The following SH2D7 variants were observed in gnomAD, a reference collection of about 807,000 sequenced individuals.
SH2D7 encodes the protein SH2 domain containing 7.
In SH2D7, 32 loss-of-function variants were observed where a neutral mutation model predicts 40.8. That is an observed-to-expected ratio of 0.78 (90% CI 0.59 to 1.05). The LOEUF is 1.05. Ranked by LOEUF, SH2D7 falls within the 50% of genes least tolerant of loss-of-function variation. The pLI is 0.00. For missense variants in SH2D7, 559 were observed against 566.6 expected (o/e 0.99, Z 0.14); for synonymous variants, 195 against 221.5 (o/e 0.88, Z 1.06).
chr15:78,095,611 C>A (rs1956832187), intron 2 of SH2D7, among the ~76,000 whole-genome samples: 1 of 152,124 alleles, frequency 6.6e-6, no homozygotes, highest in South Asian at 2.1e-4. Context: ...ATTACTGCTA[C>A]CTCATACCAT....
chr15:78,103,766 G>A lies in SH2D7; in HGVS notation c.*251G>A. ...CTCCCATCCATGCACAGGAGGGACT[G>A]GAGAGGAATGAGATTGGCCAAAGGC... On this transcript the variant is annotated 3_prime_UTR_variant, in exon 6 of 6. Transcript: ENST00000328828. The A allele has an allele frequency of 2.0e-6, 1 of 509,158 alleles. No individual in the cohort carries two copies. The highest frequency in any genetic ancestry group is 3.4e-5 in the Admixed American group (1 of 29,714). The allele number at this position is 509,158 out of a possible 1,614,324, so 31.5% of individuals were successfully genotyped here.
Position 78,097,969 on chromosome 15 carries a change from C to T in SH2D7, c.307C>T (p.Arg103Ter), listed in dbSNP as rs373439902. The change falls in exon 3 of 6, where the codon CGA becomes TGA. Residue 103 changes from arginine (R) to a stop codon, truncating the protein, a stop_gained. Coordinates refer to ENST00000328828, the MANE Select transcript of SH2D7 (RefSeq NM_001101404.2). LOFTEE classifies it high-confidence loss of function. ...RCRHFVINQL[R>*]NRRYIISGDT... The stretch of plus-strand genomic sequence containing the variant: ...CCGACATTTTGTCATCAACCAGCTT[C>T]GAAACCGGCGTTACATCATCTCAGG... 242 of 1,613,696 alleles carry T rather than the reference C, an allele frequency of 1.5e-4. 1 individual carries two copies. The East Asian group carries it at 1.8e-3, about 12-fold the overall frequency.
chr15:78,101,907 G>A (rs916844199), intron 5 of SH2D7, among the ~76,000 whole-genome samples: 1 of 152,136 alleles, frequency 6.6e-6, no homozygotes, highest in Non-Finnish European at 1.5e-5. Context: ...GTAGCTTTGG[G>A]CAAGACAAAT....
intron 2 of SH2D7, among the ~76,000 whole-genome samples, chr15:78,096,475 T>C (rs1385692109): frequency 6.6e-6 from 1 of 152,154 alleles, no homozygotes; most frequent in African/African-American, 2.4e-5. Flanking sequence ...GTGGAACAAC[T>C]GGAGCTCTCA....
Position 78,103,661 on chromosome 15 carries a change from C to A in SH2D7, c.*146C>A. Reference sequence around the variant, plus strand: ...CTACAGAACTAGGCTCCGAGACAGCCGAGGTGCCTGCCTGAGAGCAGGTGG... The same window carrying A: ...CTACAGAACTAGGCTCCGAGACAGCAGAGGTGCCTGCCTGAGAGCAGGTGG... On this transcript the variant is annotated 3_prime_UTR_variant, in exon 6 of 6. Transcript: ENST00000328828. The A allele has an allele frequency of 1.0e-6, 1 of 993,274 alleles. No homozygotes were observed. Among genetic ancestry groups the A allele is most frequent in the African/African-American group, 1.6e-5 (1 of 61,682 alleles). 61.5% of individuals were successfully genotyped at this position (993,274 alleles called of 1,614,324 possible).
In SH2D7 at chr15:78,103,780, T is replaced by C. The variant is rs114854412; in HGVS notation, c.*265T>C. The C allele has an allele frequency of 6.8e-4, 325 of 480,284 alleles. 1 individual carries two copies. Among genetic ancestry groups the C allele is most frequent in the African/African-American group, 5.7e-3 (289 of 51,142 alleles). The allele number at this position is 480,284 out of a possible 1,614,324, so 29.8% of individuals were successfully genotyped here. On this transcript the variant is annotated 3_prime_UTR_variant, in exon 6 of 6. Transcript: ENST00000328828. Reference sequence around the variant, plus strand: ...CAGGAGGGACTGGAGAGGAATGAGATTGGCCAAAGGCAGGGGTCACCACCC... The same window carrying C: ...CAGGAGGGACTGGAGAGGAATGAGACTGGCCAAAGGCAGGGGTCACCACCC...
rs772178197 is a variant in SH2D7 at position 78,098,401 on chromosome 15, G to A, written c.450G>A (p.Leu150=). 3 of 1,613,568 alleles carry A rather than the reference G, an allele frequency of 1.9e-6. No individual in the cohort carries two copies. The highest frequency in any genetic ancestry group is 2.5e-6 in the Non-Finnish European group (3 of 1,179,878). The part of the protein sequence containing the change: ...AACPRPEDND[L]YDAITRGLHQ... The stretch of plus-strand genomic sequence containing the variant: ...GCTCCCAGCCAGAGGACAATGATCT[G>A]TATGATGCCATCACCCGGGGCCTCC... Residue 150 remains leucine (L), a synonymous_variant, in exon 4 of 6, where the codon CTG becomes CTA. Coordinates refer to ENST00000328828, the MANE Select transcript of SH2D7 (RefSeq NM_001101404.2).
upstream of SH2D7, chr15:78,092,475 G>T: frequency 3.2e-6 from 4 of 1,242,628 alleles, no homozygotes; most frequent in Non-Finnish European, 4.4e-6. Flanking sequence ...GCTGCTGTGT[G>T]CTATGGGCCC....
chr15:78,098,380 C>A lies in SH2D7; in HGVS notation c.433-4C>A. 1 of 1,613,086 alleles carries A rather than the reference C, an allele frequency of 6.2e-7. No individual in the cohort carries two copies. The highest frequency in any genetic ancestry group is 8.5e-7 in the Non-Finnish European group (1 of 1,179,870). On this transcript the variant is annotated splice_region_variant and splice_polypyrimidine_tract_variant and intron_variant, in intron 3 of 5. Coordinates refer to ENST00000328828, the MANE Select transcript of SH2D7 (RefSeq NM_001101404.2). Reference sequence around the variant, plus strand: ...ACATACCTGCCGTATCCGCATGCTCCCAGCCAGAGGACAATGATCTGTATG... The same window carrying A: ...ACATACCTGCCGTATCCGCATGCTCACAGCCAGAGGACAATGATCTGTATG...
At chr15:78,101,862 G>A (rs1356415220) in intron 5 of SH2D7, among the ~76,000 whole-genome samples, 1 of 152,218 alleles carries the variant, frequency 6.6e-6, no homozygotes, top group Non-Finnish European at 1.5e-5. Context: ...TCTGGGAGCA[G>A]GAGAATGGCC....
intron 5 of SH2D7, among the ~76,000 whole-genome samples, chr15:78,101,961 T>G (rs999620846): frequency 6.6e-6 from 1 of 152,098 alleles, no homozygotes; most frequent in Non-Finnish European, 1.5e-5. Flanking sequence ...AAACAACAAA[T>G]ATTTTTGAGG....
chr15:78,098,241 A>G (rs1027672760), intron 3 of SH2D7, 143 bp from the exon 4 acceptor site: 2 of 1,397,016 alleles, frequency 1.4e-6, no homozygotes, highest in Admixed American at 4.6e-5. Flanking sequence ...CCCTATTGGA[A>G]AAAGGGAGAC....
intron 5 of SH2D7, among the ~76,000 whole-genome samples, chr15:78,101,761 T>A (rs1185608780): frequency 1.3e-5 from 2 of 152,088 alleles, no homozygotes; most frequent in African/African-American, 4.8e-5. Flanking sequence ...GGATGTAAGA[T>A]GGGGGCTTCC....
upstream of SH2D7, among the ~76,000 whole-genome samples, chr15:78,091,996 C>G (rs926763072): frequency 2.0e-5 from 3 of 152,242 alleles, no homozygotes; most frequent in Non-Finnish European, 4.4e-5. Context: ...CTATATTCTA[C>G]ACATATATTT....
In SH2D7 at chr15:78,101,575, G is replaced by T; in HGVS notation, c.1305+17G>T. On this transcript the variant is annotated intron_variant, in intron 5 of 5. Transcript: ENST00000328828. ...ACACACAAGGTGAGCTCCATGATGGGGTGGGGCGGCTCCCAGCCCTTAGAG... is the reference window on the plus strand; with the variant it reads ...ACACACAAGGTGAGCTCCATGATGGTGTGGGGCGGCTCCCAGCCCTTAGAG... 2 of 1,550,958 alleles carry T rather than the reference G, an allele frequency of 1.3e-6. No individual in the cohort carries two copies. Among genetic ancestry groups the T allele is most frequent in the Non-Finnish European group, 1.7e-6 (2 of 1,151,850 alleles).
At chr15:78,093,492 G>A (rs754040879) in intron 1 of SH2D7, among the ~76,000 whole-genome samples, 1 of 152,238 alleles carries the variant, frequency 6.6e-6, no homozygotes, top group Admixed American at 6.5e-5. Context: ...AAGTGAGTGA[G>A]GGAATACATA....
At position 78,104,160 on chromosome 15, in the gene SH2D7, C is replaced by G. The variant is rs1233177062; in HGVS notation, c.*645C>G. On this transcript the variant is annotated 3_prime_UTR_variant, in exon 6 of 6. Coordinates refer to ENST00000328828, the MANE Select transcript of SH2D7 (RefSeq NM_001101404.2). This position sits in a 1 kb window ranked among gnomAD's most constrained non-coding sequence, Gnocchi z 4.4. ...TCCCCTTCTCTATAAGGGTGGACAG[C>G]TGGCTTGCTACCCCACTCCCAACAA... The G allele has an allele frequency of 6.6e-6, 1 of 152,362 alleles. No homozygotes were observed. Among genetic ancestry groups the G allele is most frequent in the African/African-American group, 2.4e-5 (1 of 41,454 alleles). The allele number at this position is 152,362 out of a possible 1,614,324, so 9.4% of individuals were successfully genotyped here. A position where few individuals can be genotyped will look rare whatever the true frequency, so the allele number is the denominator to read the frequency against.
intron 4 of SH2D7, 81 bp from the exon 5 acceptor site, chr15:78,100,818 G>A: frequency 3.3e-6 from 5 of 1,513,932 alleles, no homozygotes; most frequent in Non-Finnish European, 3.6e-6. Flanking sequence ...GGGGGCCTCG[G>A]CTTATCTGAG....
chr15:78,095,911 C>T (rs565019711), intron 2 of SH2D7, among the ~76,000 whole-genome samples: 1 of 152,276 alleles, frequency 6.6e-6, no homozygotes, highest in South Asian at 2.1e-4. Context: ...GGCGCGATCT[C>T]TGCTCACTGC....
Sources: allele counts gnomAD v4.1 joint callset (sites outside exome capture counted in the v4.1 genomes callset), GRCh38; gene constraint gnomAD v4.1.1; non-coding constraint Gnocchi (gnomAD v3.1); transcripts MANE v1.5; gene names NCBI Gene and HGNC (gene_info 2026-07-23, HGNC 2026-07-21).